Variants in ARHGEF1 observed in about 807,000 individuals in gnomAD.
ARHGEF1 encodes the protein 115 kDa guanine nucleotide exchange factor.
ARHGEF1 carries 40 observed loss-of-function variants against 119.7 expected under a neutral mutation model. The ratio of observed to expected loss-of-function variants is 0.33; its 90% confidence interval spans 0.26 to 0.44. ARHGEF1 has a LOEUF of 0.44. Among genes scored for constraint, ARHGEF1 ranks in the 20% least tolerant of loss-of-function variants. The pLI, the probability that ARHGEF1 is intolerant of heterozygous loss-of-function variation, is 1.00. For missense variants in ARHGEF1, 976 were observed against 1,268.3 expected, an observed-to-expected ratio of 0.77 and a Z score of 3.50; for synonymous variants, 494 against 521.0, an observed-to-expected ratio of 0.95 and a Z score of 0.71.
At chr19:41,912,503 G>A (rs1230443453) in intron 18 of ARHGEF1, among the ~76,000 whole-genome samples, 25 of 152,180 alleles carry the variant, frequency 1.6e-4, no homozygotes, top group African/African-American at 6.0e-4. Context: ...GCCCCCTCCA[G>A]CCCAGTCCCT....
Position 41,903,193 on chromosome 19 carries a change from ATT to A in ARHGEF1, c.1739-113_1739-112del. 1.1e-6 allele frequency: 1 copy of A among 944,528 alleles called. No homozygotes were observed. Among genetic ancestry groups the A allele is most frequent in the Non-Finnish European group, 1.7e-6 (1 of 605,970 alleles). The allele number at this position is 944,528 out of a possible 1,614,324, so 58.5% of individuals were successfully genotyped here. A position where few individuals can be genotyped will look rare whatever the true frequency, so the allele number is the denominator to read the frequency against. On this transcript the variant is annotated intron_variant, in intron 18 of 28. Transcript: ENST00000354532. The surrounding 1 kb of genome is among the most constrained non-coding windows in gnomAD (Gnocchi z 4.2). ...CGCCTCAGCCTCCCAAAGTGCTTGG[ATT>A]ACAGGCGTGAGCCACCATGCCCGGC...
intron 1 of ARHGEF1, 146 bp from the exon 2 acceptor site, chr19:41,887,918 G>A: frequency 1.1e-6 from 1 of 931,536 alleles, no homozygotes; most frequent in East Asian, 2.8e-5. Context: ...GGCTCTTTGT[G>A]GCCACACAGA....
intron 1 of ARHGEF1, chr19:41,928,818 G>C (rs1414808465): frequency 1.6e-5 from 7 of 435,272 alleles, no homozygotes; most frequent in Non-Finnish European, 2.8e-5. Flanking sequence ...CCTCCGCCCC[G>C]CTCCTCCCTA....
Position 41,903,497 on chromosome 19 carries a change from C to A in ARHGEF1, c.1839+90C>A. The A allele has an allele frequency of 3.1e-6, 4 of 1,310,654 alleles. No homozygotes were observed. Among genetic ancestry groups the A allele is most frequent in the East Asian group, 2.5e-5 (1 of 40,364 alleles). 81.2% of individuals were successfully genotyped at this position (1,310,654 alleles called of 1,614,324 possible). Reference sequence around the variant, plus strand: ...CTCAGCCTGTCCAGAAGTCACACCCCACCCCTTGGCTTGTCTCCCTCAAGG... The same window carrying A: ...CTCAGCCTGTCCAGAAGTCACACCCAACCCCTTGGCTTGTCTCCCTCAAGG... On this transcript the variant is annotated intron_variant, in intron 19 of 28. Coordinates refer to ENST00000354532, the MANE Select transcript of ARHGEF1 (RefSeq NM_004706.4). This position sits in a 1 kb window ranked among gnomAD's most constrained non-coding sequence, Gnocchi z 4.2.
At position 41,905,559 on chromosome 19, in the gene ARHGEF1, C is replaced by T; in HGVS notation, c.2337-201C>T. The T allele has an allele frequency of 1.6e-6, 1 of 631,306 alleles. No individual in the cohort carries two copies. Among genetic ancestry groups the T allele is most frequent in the East Asian group, 2.7e-5 (1 of 36,570 alleles). The allele number at this position is 631,306 out of a possible 1,614,324, so 39.1% of individuals were successfully genotyped here. A position where few individuals can be genotyped will look rare whatever the true frequency, so the allele number is the denominator to read the frequency against. On this transcript the variant is annotated intron_variant, in intron 24 of 28. Transcript: ENST00000354532. The surrounding 1 kb of genome is among the most constrained non-coding windows in gnomAD (Gnocchi z 6.4). ...TGTGTGTGTGCGCATGTGCCGACCC[C>T]ACCACTGCCCCGTCTGTCTCCTGTC...
At position 41,883,185 on chromosome 19, in the gene ARHGEF1, A is replaced by G; in HGVS notation, c.-124A>G. 1 of 173,290 alleles carries G rather than the reference A, an allele frequency of 5.8e-6. No individual in the cohort carries two copies. The highest frequency in any genetic ancestry group is 1.3e-5 in the Non-Finnish European group (1 of 77,632). The allele number at this position is 173,290 out of a possible 1,614,324, so 10.7% of individuals were successfully genotyped here. ...CGGGGGCCTCCGGAAAAACGCCCCG[A>G]CTTCCTGCCCCGCCAGAGCCAGGAA... On this transcript the variant is annotated 5_prime_UTR_variant, in exon 1 of 29. Transcript: ENST00000354532. This position sits in a 1 kb window ranked among gnomAD's most constrained non-coding sequence, Gnocchi z 7.6.
chr19:41,903,046 T>G lies in ARHGEF1; in HGVS notation c.1738+148T>G. On this transcript the variant is annotated intron_variant, in intron 18 of 28. Transcript: ENST00000354532. The surrounding 1 kb of genome is among the most constrained non-coding windows in gnomAD (Gnocchi z 4.2). Reference sequence around the variant, plus strand: ...CATCCTCCCACCTCAGCTCCCCAAGTAGCTGGGACCCCAAGGGCACACCAC... The same window carrying G: ...CATCCTCCCACCTCAGCTCCCCAAGGAGCTGGGACCCCAAGGGCACACCAC... 4.1e-6 allele frequency: 3 copies of G among 736,740 alleles called. No individual in the cohort carries two copies. The highest frequency in any genetic ancestry group is 6.5e-6 in the Non-Finnish European group (3 of 461,176). 45.6% of individuals were successfully genotyped at this position (736,740 alleles called of 1,614,324 possible).
Position 41,892,651 on chromosome 19 carries a change from T to C in ARHGEF1, c.416T>C (p.Val139Ala). 2 of 1,613,202 alleles carry C rather than the reference T, an allele frequency of 1.2e-6. No individual in the cohort carries two copies. The highest frequency in any genetic ancestry group is 1.1e-5 in the South Asian group (1 of 90,970). ...LISEDVQRRF[V>A]QEVVQSQQVA... ...TCCGAGGATGTCCAGCGGCGGTTCG[T>C]GCAGGAGGTGGTGCAAAGCCAGCAG... The change falls in exon 7 of 29, where the codon GTG becomes GCG. Residue 139 changes from valine (V) to alanine (A), a missense_variant. By Grantham distance (64) the Val-to-Ala change is moderately conservative. Transcript: ENST00000354532. This position sits in a 1 kb window ranked among gnomAD's most constrained non-coding sequence, Gnocchi z 6.3.
chr19:41,907,575 C>A, downstream of ARHGEF1: 2 of 638,306 alleles, frequency 3.1e-6, no homozygotes, highest in South Asian at 4.2e-5. Flanking sequence ...TTCATTCATT[C>A]ATTCATTTCT....
Position 41,888,973 on chromosome 19 carries a change from C to T in ARHGEF1, c.225+108C>T, listed in dbSNP as rs2074336267. 5.5e-6 allele frequency: 5 copies of T among 901,800 alleles called. No homozygotes were observed. The South Asian group carries it at 8.4e-5, about 15-fold the overall frequency. 55.9% of individuals were successfully genotyped at this position (901,800 alleles called of 1,614,324 possible). A position where few individuals can be genotyped will look rare whatever the true frequency, so the allele number is the denominator to read the frequency against. ...GCCTGGAGGGTCTGGAAAAGCAGAT[C>T]TAGAACACAGAGAGCCAGATCTAGA... On this transcript the variant is annotated intron_variant, in intron 4 of 28. Coordinates refer to ENST00000354532, the MANE Select transcript of ARHGEF1 (RefSeq NM_004706.4). The surrounding 1 kb of genome is among the most constrained non-coding windows in gnomAD (Gnocchi z 5.1).
chr19:41,892,583 C>A lies in ARHGEF1; in HGVS notation c.368-20C>A. The stretch of plus-strand genomic sequence containing the variant: ...AGCCACCAGGGAGCTGGACCCTAGC[C>A]CCCATGTGTGTCCCTGCAGACCGCA... On this transcript the variant is annotated intron_variant, in intron 6 of 28. Coordinates refer to ENST00000354532, the MANE Select transcript of ARHGEF1 (RefSeq NM_004706.4). The surrounding 1 kb of genome is among the most constrained non-coding windows in gnomAD (Gnocchi z 6.3). 1.9e-6 allele frequency: 3 copies of A among 1,571,302 alleles called. No homozygotes were observed. The highest frequency in any genetic ancestry group is 2.6e-6 in the Non-Finnish European group (3 of 1,153,370).
chr19:41,902,376 C>A lies in ARHGEF1; in HGVS notation c.1497+20C>A. 6.2e-7 allele frequency: 1 copy of A among 1,613,844 alleles called. No homozygotes were observed. Among genetic ancestry groups the A allele is most frequent in the South Asian group, 1.1e-5 (1 of 91,044 alleles). On this transcript the variant is annotated intron_variant, in intron 16 of 28. Coordinates refer to ENST00000354532, the MANE Select transcript of ARHGEF1 (RefSeq NM_004706.4). This position sits in a 1 kb window ranked among gnomAD's most constrained non-coding sequence, Gnocchi z 6.5. ...GCCCGGGTGAGATGCCCAGCCCTCCCGCTCCTCCCAGCTAGACACATGGAA... is the reference window on the plus strand; with the variant it reads ...GCCCGGGTGAGATGCCCAGCCCTCCAGCTCCTCCCAGCTAGACACATGGAA...
chr19:41,889,934 G>C lies in ARHGEF1; in HGVS notation c.225+1069G>C, dbSNP rs2074349754. ...ACCAGATTGTGGACATCAGCCCAGG[G>C]ATCGTGCTGACTACCATGTTCTTTT... On this transcript the variant is annotated intron_variant, in intron 4 of 28. Transcript: ENST00000354532. The surrounding 1 kb of genome is among the most constrained non-coding windows in gnomAD (Gnocchi z 4.0). The C allele has an allele frequency of 6.6e-6, 1 of 152,158 alleles. No individual in the cohort carries two copies. The highest frequency in any genetic ancestry group is 6.5e-5 in the Admixed American group (1 of 15,270). 9.4% of individuals were successfully genotyped at this position (152,158 alleles called of 1,614,324 possible).
chr19:41,920,567 C>T (rs1044487510), upstream of ARHGEF1, among the ~76,000 whole-genome samples: 2 of 152,136 alleles, frequency 1.3e-5, no homozygotes, highest in Admixed American at 6.5e-5. Flanking sequence ...ATGTTACGCA[C>T]TCACAGACGT....
chr19:41,889,725 G>GC lies in ARHGEF1; in HGVS notation c.225+861dup, dbSNP rs1383270812. 6 of 152,276 alleles carry GC rather than the reference G, an allele frequency of 3.9e-5. No homozygotes were observed. The highest frequency in any genetic ancestry group is 2.6e-4 in the Admixed American group (4 of 15,286). The allele number at this position is 152,276 out of a possible 1,614,324, so 9.4% of individuals were successfully genotyped here. A position where few individuals can be genotyped will look rare whatever the true frequency, so the allele number is the denominator to read the frequency against. On this transcript the variant is annotated intron_variant, in intron 4 of 28. Transcript: ENST00000354532. The surrounding 1 kb of genome is among the most constrained non-coding windows in gnomAD (Gnocchi z 4.0). ...ATGCAGAAAGAAGAACATGTCAGCTGCAAGACCAGAGGCTGGTCATCCGGA... is the reference window on the plus strand; with the variant it reads ...ATGCAGAAAGAAGAACATGTCAGCTGCCAAGACCAGAGGCTGGTCATCCGGA...
At position 41,887,979 on chromosome 19, in the gene ARHGEF1, T is replaced by C. The variant is rs1600643238; in HGVS notation, c.-19-85T>C. 4 of 1,458,402 alleles carry C rather than the reference T, an allele frequency of 2.7e-6. No homozygotes were observed. In the East Asian group the frequency reaches 7.2e-5, roughly 26 times the overall value. The allele number at this position is 1,458,402 out of a possible 1,614,324, so 90.3% of individuals were successfully genotyped here. ...GATGGGGGAGGCTGTTTACTCACCT[T>C]CACACCTGGGCCAGGAATCTGTGAG... On this transcript the variant is annotated intron_variant, in intron 1 of 28. Transcript: ENST00000354532.
chr19:41,906,441 C>T lies in ARHGEF1; in HGVS notation c.2492-16C>T. ...CCCCTGGTCTCCTGACTCCACCCCTCCTTGCCCCTGGCCAGTGCTGTCCCT... is the reference window on the plus strand; with the variant it reads ...CCCCTGGTCTCCTGACTCCACCCCTTCTTGCCCCTGGCCAGTGCTGTCCCT... On this transcript the variant is annotated splice_polypyrimidine_tract_variant and intron_variant, in intron 26 of 28. Transcript: ENST00000354532. This position sits in a 1 kb window ranked among gnomAD's most constrained non-coding sequence, Gnocchi z 4.5. 1 of 1,541,970 alleles carries T rather than the reference C, an allele frequency of 6.5e-7. No homozygotes were observed. Among genetic ancestry groups the T allele is most frequent in the Non-Finnish European group, 8.7e-7 (1 of 1,149,912 alleles).
Position 41,889,113 on chromosome 19 carries a change from C to T in ARHGEF1, c.225+248C>T, listed in dbSNP as rs1354816350. 3 of 418,200 alleles carry T rather than the reference C, an allele frequency of 7.2e-6. No individual in the cohort carries two copies. The highest frequency in any genetic ancestry group is 3.9e-5 in the East Asian group (1 of 25,598). 25.9% of individuals were successfully genotyped at this position (418,200 alleles called of 1,614,324 possible). On this transcript the variant is annotated intron_variant, in intron 4 of 28. Transcript: ENST00000354532. This position sits in a 1 kb window ranked among gnomAD's most constrained non-coding sequence, Gnocchi z 4.0. ...GGGCAGGGTACACACGTCAGGACCC[C>T]GCGGAGCCACAGAGAGTCCAGCAGC...
At chr19:41,913,165 C>T (rs1449696585) in intron 18 of ARHGEF1, among the ~76,000 whole-genome samples, 5 of 152,026 alleles carry the variant, frequency 3.3e-5, no homozygotes, top group South Asian at 2.1e-4. Context: ...CCCGCAGCCT[C>T]CTCCTCACTC....
Sources: allele counts gnomAD v4.1 joint callset (sites outside exome capture counted in the v4.1 genomes callset), GRCh38; gene constraint gnomAD v4.1.1; non-coding constraint Gnocchi (gnomAD v3.1); transcripts MANE v1.5; gene names NCBI Gene and HGNC (gene_info 2026-07-23, HGNC 2026-07-21).